Variants in GBE1 observed in about 807,000 individuals in gnomAD.
GBE1 encodes the protein 1,4-alpha-glucan-branching enzyme.
GBE1 carries 70 observed loss-of-function variants against 88.8 expected under a neutral mutation model. The ratio of observed to expected loss-of-function variants is 0.79; its 90% confidence interval spans 0.65 to 0.96. The LOEUF (loss-of-function observed/expected upper bound fraction) is 0.96, where lower values mean the gene tolerates loss of function less well. GBE1 is among the 40% of genes least tolerant of loss of function. GBE1 has a pLI of 0.00. For synonymous variants in GBE1, 284 were observed against 300.1 expected (o/e 0.95, Z 0.56); for missense variants, 872 against 871.0 (o/e 1.00, Z -0.01).
Position 81,761,625 on chromosome 3 carries a change from T to TAGGCGTGTCGAGGCAAGCCG in GBE1, c.-128_-109dup. On this transcript the variant is annotated 5_prime_UTR_variant, in exon 1 of 16. Coordinates refer to ENST00000429644, the MANE Select transcript of GBE1 (RefSeq NM_000158.4). The stretch of plus-strand genomic sequence containing the variant: ...GGCTAGGGCGGAGCCGGAGGGCGCC[T>TAGGCGTGTCGAGGCAAGCCG]AGGCGTGTCGAGGCAAGCCGAGGCG... 1 of 1,394,994 alleles carries TAGGCGTGTCGAGGCAAGCCG rather than the reference T, an allele frequency of 7.2e-7. No individual in the cohort carries two copies. The allele number at this position is 1,394,994 out of a possible 1,614,324, so 86.4% of individuals were successfully genotyped here.
chr3:81,731,149 A>G (rs1193459629), intron 1 of GBE1, among the ~76,000 whole-genome samples: 1 of 152,084 alleles, frequency 6.6e-6, no homozygotes, highest in East Asian at 1.9e-4. Flanking sequence ...TGGGAACCCA[A>G]CCTCTATGGA....
At chr3:81,591,865 T>C (rs1003806178) in intron 8 of GBE1, among the ~76,000 whole-genome samples, 3 of 152,078 alleles carry the variant, frequency 2.0e-5, no homozygotes, top group African/African-American at 7.2e-5. Flanking sequence ...TTTTTCTCAG[T>C]TTGCTGGATT....
chr3:81,753,016 G>C (rs892222599), intron 1 of GBE1, among the ~76,000 whole-genome samples: 1 of 152,126 alleles, frequency 6.6e-6, no homozygotes, highest in East Asian at 1.9e-4. Context: ...CTACAAAGTG[G>C]ATTCTATCCA....
chr3:81,735,077 T>C (rs1425504354), intron 1 of GBE1, among the ~76,000 whole-genome samples: 1 of 152,164 alleles, frequency 6.6e-6, no homozygotes, highest in Non-Finnish European at 1.5e-5. Flanking sequence ...ATAGTATATG[T>C]AGGGTTCAGT....
At chr3:81,712,827 A>G (rs537119559) in intron 1 of GBE1, among the ~76,000 whole-genome samples, 1 of 151,154 alleles carries the variant, frequency 6.6e-6, no homozygotes, top group Admixed American at 6.6e-5. Context: ...AATAAATAAA[A>G]AAGCTCTCCA....
intron 14 of GBE1, among the ~76,000 whole-genome samples, chr3:81,516,952 G>A (rs997735219): frequency 9.2e-5 from 14 of 151,640 alleles, no homozygotes; most frequent in South Asian, 4.1e-4. Flanking sequence ...GGTTTCTTGA[G>A]ATGGAGTCTA....
chr3:81,587,707 C>G (rs1251837050), intron 9 of GBE1, among the ~76,000 whole-genome samples: 1 of 152,098 alleles, frequency 6.6e-6, no homozygotes, highest in East Asian at 1.9e-4. Context: ...TTTAATAATA[C>G]TTGGCACAAG....
chr3:81,594,586 G>A (rs1028332433), intron 7 of GBE1, among the ~76,000 whole-genome samples: 1 of 151,886 alleles, frequency 6.6e-6, no homozygotes, highest in African/African-American at 2.4e-5. Flanking sequence ...GATAAAAACA[G>A]AAAATCAACC....
intron 14 of GBE1, among the ~76,000 whole-genome samples, chr3:81,530,835 T>C (rs1703002782): frequency 6.6e-6 from 1 of 151,724 alleles, no homozygotes; most frequent in Non-Finnish European, 1.5e-5. Flanking sequence ...ACCAGTGATG[T>C]TTATTCAAAG....
chr3:81,750,696 TA>T (rs1364206458), intron 1 of GBE1, among the ~76,000 whole-genome samples: 6 of 96,218 alleles, frequency 6.2e-5, no homozygotes, highest in Non-Finnish European at 1.2e-4. Flanking sequence ...TATATATATG[TA>T]TTTTTTTTTT....
At chr3:81,679,772 T>C (rs1705311575) in intron 2 of GBE1, among the ~76,000 whole-genome samples, 1 of 152,228 alleles carries the variant, frequency 6.6e-6, no homozygotes, top group African/African-American at 2.4e-5. Flanking sequence ...AATTTCCAGT[T>C]TTATTGAAAT....
At chr3:81,525,747 T>C (rs1702934734) in intron 14 of GBE1, among the ~76,000 whole-genome samples, 2 of 152,080 alleles carry the variant, frequency 1.3e-5, no homozygotes, top group African/African-American at 4.8e-5. Context: ...AACTTCTTCC[T>C]GGTTTAGTCT....
chr3:81,664,452 A>C (rs991951178), intron 3 of GBE1, among the ~76,000 whole-genome samples: 2 of 151,744 alleles, frequency 1.3e-5, no homozygotes, highest in Non-Finnish European at 2.9e-5. Flanking sequence ...AAAAAAAAAA[A>C]AAAAAACCTG....
chr3:81,578,314 C>T (rs1455557466), intron 11 of GBE1, among the ~76,000 whole-genome samples: 1 of 151,912 alleles, frequency 6.6e-6, no homozygotes, highest in Admixed American at 6.6e-5. Flanking sequence ...CAGGACTGGA[C>T]TGATTTTTAT....
At chr3:81,739,074 T>A (rs1323270231) in intron 1 of GBE1, among the ~76,000 whole-genome samples, 1 of 152,124 alleles carries the variant, frequency 6.6e-6, no homozygotes, top group Non-Finnish European at 1.5e-5. Context: ...GCCTCTCTTA[T>A]AAAGGTACTA....
intron 1 of GBE1, among the ~76,000 whole-genome samples, chr3:81,740,240 T>G (rs1247094885): frequency 6.6e-6 from 1 of 151,450 alleles, no homozygotes. Context: ...ATAATAATAA[T>G]AGATTAACCA....
At chr3:81,617,653 A>G (rs1252859330) in intron 7 of GBE1, among the ~76,000 whole-genome samples, 2 of 151,910 alleles carry the variant, frequency 1.3e-5, no homozygotes, top group Non-Finnish European at 1.5e-5. Flanking sequence ...CTCCTAATTC[A>G]CGAGGAATAT....
chr3:81,696,042 C>G (rs906186865), intron 2 of GBE1, among the ~76,000 whole-genome samples: 7 of 151,922 alleles, frequency 4.6e-5, no homozygotes, highest in Admixed American at 6.6e-5. Context: ...TTCCGCCCCC[C>G]CAAGATCTAT....
intron 7 of GBE1, among the ~76,000 whole-genome samples, chr3:81,619,300 C>G (rs1036492048): frequency 6.6e-6 from 1 of 152,060 alleles, no homozygotes; most frequent in Non-Finnish European, 1.5e-5. Context: ...AATATATCTA[C>G]ACATACATAT....
Sources: allele counts gnomAD v4.1 joint callset (sites outside exome capture counted in the v4.1 genomes callset), GRCh38; gene constraint gnomAD v4.1.1; transcripts MANE v1.5; gene names NCBI Gene and HGNC (gene_info 2026-07-23, HGNC 2026-07-21).